PROX2: variants seen among roughly 807,000 people sequenced by gnomAD.
The protein encoded by PROX2 is prospero homeobox protein 2.
In PROX2, 46 loss-of-function variants were observed where a neutral mutation model predicts 48.9. That is an observed-to-expected ratio of 0.94 (90% CI 0.74 to 1.20). The LOEUF (loss-of-function observed/expected upper bound fraction) is 1.20. PROX2 is among the 50% of genes most tolerant of loss of function. PROX2 has a pLI of 0.00. For missense variants in PROX2, 663 were observed against 719.4 expected (o/e 0.92, Z 0.90); for synonymous variants, 260 against 276.6 (o/e 0.94, Z 0.60).
chr14:74,863,871 C>T lies in PROX2; in HGVS notation c.-37G>A. 1 of 1,450,674 alleles carries T rather than the reference C, an allele frequency of 6.9e-7. No homozygotes were observed. Among genetic ancestry groups the T allele is most frequent in the Non-Finnish European group, 9.0e-7 (1 of 1,109,312 alleles). 89.9% of individuals were successfully genotyped at this position (1,450,674 alleles called of 1,614,324 possible). A position where few individuals can be genotyped will look rare whatever the true frequency, so the allele number is the denominator to read the frequency against. ...GTTCAGGGCTTCAGGAATTCCTCCT[C>T]CTTATTTCCTCAGCTGGAAGTGCAC... On this transcript the variant is annotated 5_prime_UTR_variant, in exon 3 of 6. Coordinates refer to ENST00000556489, the MANE Select transcript of PROX2 (RefSeq NM_001243007.2).
intron 5 of PROX2, 80 bp from the exon 6 acceptor site, chr14:74,855,382 G>A: frequency 8.2e-7 from 1 of 1,221,128 alleles, no homozygotes; most frequent in Non-Finnish European, 1.1e-6. Flanking sequence ...ACTAGCGGGT[G>A]CTGCCTGTTT....
intron 2 of PROX2, among the ~76,000 whole-genome samples, chr14:74,866,538 G>A (rs1341906569): frequency 2.0e-5 from 3 of 152,156 alleles, no homozygotes; most frequent in African/African-American, 7.2e-5. Flanking sequence ...CGAGGTCCTG[G>A]CAACCAAGTG....
rs937664661 is a variant in PROX2 at position 74,871,188 on chromosome 14, A to C, written c.-260T>G. On this transcript the variant is annotated 5_prime_UTR_variant, in exon 2 of 6. It adds an upstream start codon to the 5' untranslated region. Transcript: ENST00000556489. ...AGCTGTAGTGTGCTACGATCATGCC[A>C]ATGAATAGCCACTGCATTCCAGCCT... 2.0e-5 allele frequency: 3 copies of C among 151,614 alleles called. No homozygotes were observed. The highest frequency in any genetic ancestry group is 7.3e-5 in the African/African-American group (3 of 41,212). 9.4% of individuals were successfully genotyped at this position (151,614 alleles called of 1,614,324 possible). A position where few individuals can be genotyped will look rare whatever the true frequency, so the allele number is the denominator to read the frequency against.
chr14:74,864,394 G>C (rs1456481342), intron 2 of PROX2, among the ~76,000 whole-genome samples: 9 of 152,196 alleles, frequency 5.9e-5, no homozygotes, highest in African/African-American at 2.2e-4. Flanking sequence ...CATGCCTATT[G>C]TCTACAGATA....
chr14:74,856,617 C>T (rs2091744756), intron 5 of PROX2, 184 bp downstream of exon 5: 2 of 588,286 alleles, frequency 3.4e-6, no homozygotes, highest in South Asian at 4.5e-5. Context: ...CAGTTTGCTG[C>T]TTCCACCTGT....
intron 2 of PROX2, among the ~76,000 whole-genome samples, chr14:74,865,797 C>T (rs1315983686): frequency 6.6e-6 from 1 of 151,910 alleles, no homozygotes; most frequent in Non-Finnish European, 1.5e-5. Context: ...CACCACTGCC[C>T]TCCAGCCTGG....
At chr14:74,856,165 G>T (rs570979369) in intron 5 of PROX2, 5 of 152,440 alleles carry the variant, frequency 3.3e-5, no homozygotes, top group African/African-American at 1.2e-4. Flanking sequence ...CCTAACAGCT[G>T]TCAGCTGTGC....
chr14:74,865,176 C>T (rs1478348936), intron 2 of PROX2: 1 of 134,992 alleles, frequency 7.4e-6, no homozygotes, highest in South Asian at 2.4e-4. Flanking sequence ...AAAAAAAAAA[C>T]ACTGCCGTCC....
At position 74,854,991 on chromosome 14, in the gene PROX2, A is replaced by C; in HGVS notation, c.*141T>G. On this transcript the variant is annotated 3_prime_UTR_variant, in exon 6 of 6. Coordinates refer to ENST00000556489, the MANE Select transcript of PROX2 (RefSeq NM_001243007.2). ...TTCTGGAAAGGGAAATAAATGATCAAAATGGTAATAGTACCTGTTTTGATA... is the reference window on the plus strand; with the variant it reads ...TTCTGGAAAGGGAAATAAATGATCACAATGGTAATAGTACCTGTTTTGATA... 2.1e-6 allele frequency: 1 copy of C among 473,024 alleles called. No individual in the cohort carries two copies. Among genetic ancestry groups the C allele is most frequent in the Non-Finnish European group, 3.7e-6 (1 of 272,114 alleles). The allele number at this position is 473,024 out of a possible 1,614,324, so 29.3% of individuals were successfully genotyped here. A position where few individuals can be genotyped will look rare whatever the true frequency, so the allele number is the denominator to read the frequency against.
intron 1 of PROX2, among the ~76,000 whole-genome samples, chr14:74,872,557 C>T (rs1395166582): frequency 6.6e-6 from 1 of 152,252 alleles, no homozygotes; most frequent in Non-Finnish European, 1.5e-5. Flanking sequence ...ACCCATTGTA[C>T]TCCTGAACAG....
Position 74,853,554 on chromosome 14 carries a change from C to G in PROX2, c.*1578G>C, listed in dbSNP as rs1002733736. 6.6e-6 allele frequency: 1 copy of G among 152,088 alleles called. No homozygotes were observed. The highest frequency in any genetic ancestry group is 2.4e-5 in the African/African-American group (1 of 41,402). The allele number at this position is 152,088 out of a possible 1,614,324, so 9.4% of individuals were successfully genotyped here. A position where few individuals can be genotyped will look rare whatever the true frequency, so the allele number is the denominator to read the frequency against. On this transcript the variant is annotated 3_prime_UTR_variant, in exon 6 of 6. Transcript: ENST00000556489. Reference sequence around the variant, plus strand: ...CTTTCAGCTGTTTGAAGAGAAAATTCAAAGGAAAATTCATCTTTCATACTT... The same window carrying G: ...CTTTCAGCTGTTTGAAGAGAAAATTGAAAGGAAAATTCATCTTTCATACTT...
At position 74,870,887 on chromosome 14, in the gene PROX2, A is replaced by G. The variant is rs374070175; in HGVS notation, c.-175+216T>C. 3.0e-3 allele frequency among the ~76,000 whole-genome samples: 449 copies of G among 152,128 alleles called. 4 individuals are homozygous for G. Among genetic ancestry groups the G allele is most frequent in the South Asian group, 0.026 (127 of 4,818 alleles). On this transcript the variant is annotated intron_variant, in intron 2 of 5. Coordinates refer to ENST00000556489, the MANE Select transcript of PROX2 (RefSeq NM_001243007.2). Reference sequence around the variant, plus strand: ...AAACCCTGTCTCTACTAAAAATACAAAAAAATTAGCTGGGCGTGGTGGCAT... The same window carrying G: ...AAACCCTGTCTCTACTAAAAATACAGAAAAATTAGCTGGGCGTGGTGGCAT...
chr14:74,857,726 CTCTA>C (rs1259753461), intron 4 of PROX2: 1 of 151,112 alleles, frequency 6.6e-6, no homozygotes, highest in Non-Finnish European at 1.5e-5. Context: ...CTCTCTCCCT[CTCTA>C]TATATATTTT....
chr14:74,858,325 C>A, intron 4 of PROX2, 82 bp downstream of exon 4: 1 of 790,410 alleles, frequency 1.3e-6, no homozygotes. Flanking sequence ...CATATGATGA[C>A]CTAGGACTTG....
At chr14:74,858,706 CAG>C (rs2091767119) in intron 3 of PROX2, 192 bp from the exon 4 acceptor site, 2 of 540,180 alleles carry the variant, frequency 3.7e-6, no homozygotes, top group East Asian at 3.0e-5. Context: ...AGTTAAGTCA[CAG>C]AATGTAAAAA....
intron 1 of PROX2, among the ~76,000 whole-genome samples, chr14:74,871,561 C>T (rs936112595): frequency 4.0e-5 from 6 of 151,352 alleles, no homozygotes; most frequent in African/African-American, 1.2e-4. Flanking sequence ...ATCACCTGAG[C>T]CCAGGAGTTC....
intron 2 of PROX2, among the ~76,000 whole-genome samples, chr14:74,868,214 C>G (rs558349165): frequency 6.6e-6 from 1 of 150,960 alleles, no homozygotes; most frequent in South Asian, 2.1e-4. Flanking sequence ...GAAAGACACT[C>G]TAATGCCACT....
At chr14:74,860,296 A>C (rs1252438929) in intron 3 of PROX2, among the ~76,000 whole-genome samples, 1 of 152,236 alleles carries the variant, frequency 6.6e-6, no homozygotes, top group Non-Finnish European at 1.5e-5. Context: ...ACATTTCTGC[A>C]GCAGAACGTA....
At position 74,857,007 on chromosome 14, in the gene PROX2, A is replaced by G; in HGVS notation, c.1414-12T>C. On this transcript the variant is annotated splice_polypyrimidine_tract_variant and intron_variant, in intron 4 of 5. Transcript: ENST00000556489. ...ATGCAGCGGTTGAACTGTACAAACA[A>G]GAGGTCCATCCAGTCAGACATTTGC... 1 of 1,612,330 alleles carries G rather than the reference A, an allele frequency of 6.2e-7. No individual in the cohort carries two copies. Among genetic ancestry groups the G allele is most frequent in the Non-Finnish European group, 8.5e-7 (1 of 1,178,494 alleles).
Sources: gnomAD v4.1 joint callset for allele counts (sites outside exome capture counted in the v4.1 genomes callset) on GRCh38, gnomAD v4.1.1 for gene constraint, MANE v1.5 for transcripts, NCBI Gene and HGNC (gene_info 2026-07-23, HGNC 2026-07-21) for gene names.